The following DAB1 variants were observed in gnomAD, a reference collection of about 807,000 sequenced individuals.
The protein encoded by DAB1 is DAB adaptor protein 1.
A neutral mutation model predicts 64.6 loss-of-function variants in DAB1; 15 were observed. The ratio of observed to expected loss-of-function variants is 0.23; its 90% CI spans 0.16 to 0.36. The LOEUF (loss-of-function observed/expected upper bound fraction) is 0.36, where lower values mean the gene tolerates loss of function less well. Among genes scored for constraint, DAB1 ranks in the 10% least tolerant of loss-of-function variants. The probability of loss-of-function intolerance (pLI) is 1.00; values close to 1 mark genes in which losing one functional copy is unlikely to be tolerated. For missense variants in DAB1, 596 were observed against 706.7 expected, an observed-to-expected ratio of 0.84 and a Z score of 1.78; for synonymous variants, 235 against 251.9, an observed-to-expected ratio of 0.93 and a Z score of 0.64.
chr1:57,694,920 T>C (rs1230501173), intron 6 of DAB1, among the ~76,000 whole-genome samples: 2 of 152,142 alleles, frequency 1.3e-5, no homozygotes, highest in East Asian at 3.9e-4. Context: ...ATTTTTAAAC[T>C]TGGGCATAAA....
chr1:57,339,795 C>T (rs893227975), intron 1 of DAB1, among the ~76,000 whole-genome samples: 1 of 152,166 alleles, frequency 6.6e-6, no homozygotes, highest in South Asian at 2.1e-4. Context: ...CATGTAGTTG[C>T]CTTCACAATA....
chr1:57,952,110 T>A (rs1645291945), intron 5 of DAB1, among the ~76,000 whole-genome samples: 1 of 152,164 alleles, frequency 6.6e-6, no homozygotes, highest in Non-Finnish European at 1.5e-5. Context: ...CTGCTACTTC[T>A]ATGACCTTTT....
Position 57,528,663 on chromosome 1 carries a change from C to G in DAB1, n.625+120929G>C, listed in dbSNP as rs7418077. 6.7e-5 allele frequency among the ~76,000 whole-genome samples: 10 copies of G among 149,770 alleles called. No homozygotes were observed. The East Asian group carries it at 2.0e-3, about 29-fold the overall frequency. ...ACACACACACACACACACACACACA[C>G]ACACACACACACACGGACACACAAC... is the stretch of plus-strand genomic sequence containing the variant. On this transcript the variant is annotated intron_variant and non_coding_transcript_variant, in intron 7 of 20. Coordinates refer to the DAB1 transcript ENST00000485760.
intron 3 of DAB1, among the ~76,000 whole-genome samples, chr1:58,492,277 A>T (rs1385895406): frequency 2.6e-5 from 4 of 152,218 alleles, no homozygotes; most frequent in African/African-American, 9.7e-5. Context: ...GTGTAGAGGG[A>T]AATTTATAGC....
In DAB1 at chr1:58,225,680, G is replaced by A. The variant is rs191241168; in HGVS notation, n.310-75092C>T. On this transcript the variant is annotated intron_variant and non_coding_transcript_variant, in intron 4 of 20. Transcript: ENST00000485760. ...CTTTGTAGGGACATGGATGAAGCTG[G>A]AAACCATCATTCTCAGCAAACTATC... Among the ~76,000 whole-genome samples the A allele has an allele frequency of 4.7e-3, 714 of 151,844 alleles. 5 individuals are homozygous for A. The highest frequency in any genetic ancestry group is 0.016 in the African/African-American group (679 of 41,382).
In DAB1 at chr1:57,271,772, A is replaced by T. The variant is rs77484377; in HGVS notation, c.67+19192T>A. Among the ~76,000 whole-genome samples, 356 of 152,250 alleles carry T rather than the reference A, an allele frequency of 2.3e-3. 1 individual carries two copies. The highest frequency in any genetic ancestry group is 3.4e-3 in the Non-Finnish European group (228 of 68,012). Reference sequence around the variant, plus strand: ...AGGCTGATTTTTGTTTGGTAGTTGTACCTGTTCAGTACGTGCCTCACCCTT... The same window carrying T: ...AGGCTGATTTTTGTTTGGTAGTTGTTCCTGTTCAGTACGTGCCTCACCCTT... On this transcript the variant is annotated intron_variant, in intron 2 of 14. Coordinates refer to ENST00000371236, the MANE Select transcript of DAB1 (RefSeq NM_001365792.1).
At chr1:58,473,976 A>G (rs780101642) in intron 3 of DAB1, 3 of 1,266,010 alleles carry the variant, frequency 2.4e-6, no homozygotes, top group South Asian at 2.5e-5. Context: ...AAGCTGTCAC[A>G]TGCACGTAAA....
At chr1:57,096,495 C>T (rs778010333) in intron 4 of DAB1, among the ~76,000 whole-genome samples, 4 of 152,120 alleles carry the variant, frequency 2.6e-5, no homozygotes, top group African/African-American at 4.8e-5. Context: ...GACATACAAA[C>T]GAAGCCTGTA....
intron 1 of DAB1, among the ~76,000 whole-genome samples, chr1:57,852,590 C>T (rs1653577025): frequency 6.6e-6 from 1 of 151,862 alleles, no homozygotes; most frequent in Non-Finnish European, 1.5e-5. Flanking sequence ...CACATCTCAC[C>T]ACTGCCATCT....
chr1:57,940,820 G>A (rs1884485), intron 5 of DAB1, among the ~76,000 whole-genome samples: 61,085 of 151,818 alleles, frequency 0.4, 13,401 homozygotes, highest in Admixed American at 0.51. Context: ...GCTCCCTAGA[G>A]ACAGTTGCTT....
rs1435819646 is a variant in DAB1 at position 56,995,833 on chromosome 1, T to C, written c.*2311A>G. ...CAAACTGGTCTCAGGCCAACTCTTA[T>C]GGTCATTCCACCTTTCCCATCTTCC... On this transcript the variant is annotated 3_prime_UTR_variant, in exon 15 of 15. Coordinates refer to ENST00000371236, the MANE Select transcript of DAB1 (RefSeq NM_001365792.1). 1 of 152,236 alleles carries C rather than the reference T, an allele frequency of 6.6e-6. No homozygotes were observed. The highest frequency in any genetic ancestry group is 1.9e-4 in the East Asian group (1 of 5,200). 9.4% of individuals were successfully genotyped at this position (152,236 alleles called of 1,614,324 possible). A position where few individuals can be genotyped will look rare whatever the true frequency, so the allele number is the denominator to read the frequency against.
At chr1:57,273,844 C>G (rs376344798) in intron 2 of DAB1, among the ~76,000 whole-genome samples, 1 of 151,958 alleles carries the variant, frequency 6.6e-6, no homozygotes, top group East Asian at 1.9e-4. Context: ...TGAGTCGAGA[C>G]TGAACAGAAA....
At chr1:57,909,071 T>C (rs538244285) in intron 5 of DAB1, among the ~76,000 whole-genome samples, 1 of 152,310 alleles carries the variant, frequency 6.6e-6, no homozygotes, top group Admixed American at 6.5e-5. Flanking sequence ...AGAGGGCAGA[T>C]GTTTCTCAAA....
At chr1:58,387,724 T>C (rs201853116) in intron 3 of DAB1, among the ~76,000 whole-genome samples, 966 of 93,690 alleles carry the variant, frequency 0.01, 20 homozygotes, top group African/African-American at 0.037. Context: ...TTTCTTTTCT[T>C]TTTTTTTTTT....
chr1:57,492,997 A>G (rs1410150804), intron 7 of DAB1, among the ~76,000 whole-genome samples: 1 of 151,626 alleles, frequency 6.6e-6, no homozygotes, highest in Non-Finnish European at 1.5e-5. Context: ...TGCACTGTGA[A>G]CTCTCTTCTA....
At chr1:58,541,204 G>A (rs1014127951) in intron 1 of DAB1, among the ~76,000 whole-genome samples, 1 of 146,582 alleles carries the variant, frequency 6.8e-6, no homozygotes. Context: ...TGAGGCAGGA[G>A]AATCGCTTGA....
chr1:57,262,611 G>A lies in DAB1; in HGVS notation c.67+28353C>T, dbSNP rs370325741. Among the ~76,000 whole-genome samples the A allele has an allele frequency of 6.6e-4, 100 of 152,300 alleles. 1 individual carries two copies. In the South Asian group the frequency reaches 0.017, roughly 26 times the overall value. On this transcript the variant is annotated intron_variant, in intron 2 of 14. Coordinates refer to ENST00000371236, the MANE Select transcript of DAB1 (RefSeq NM_001365792.1). ...CACCTACTTTCCGCTCTTATCACCC[G>A]GAGTTCTTTGTGGGAAATTCATTTG...
intron 3 of DAB1, among the ~76,000 whole-genome samples, chr1:58,431,559 A>G (rs1234836481): frequency 0.015 from 1,077 of 71,820 alleles, 14 homozygotes; most frequent in African/African-American, 0.065. Context: ...CTCCATCTGG[A>G]AAAAAAAAAA....
At chr1:57,047,695 G>A (rs1648692138) in intron 9 of DAB1, among the ~76,000 whole-genome samples, 1 of 152,194 alleles carries the variant, frequency 6.6e-6, no homozygotes, top group African/African-American at 2.4e-5. Context: ...GTGGTATTTT[G>A]TTATGGCAGC....
Sources: gnomAD v4.1 joint callset for allele counts (sites outside exome capture counted in the v4.1 genomes callset) on GRCh38, gnomAD v4.1.1 for gene constraint, MANE v1.5 for transcripts, NCBI Gene and HGNC (gene_info 2026-07-23, HGNC 2026-07-21) for gene names.